The following SRGAP3 variants were observed in gnomAD, a reference collection of about 807,000 sequenced individuals.
SRGAP3 encodes SLIT-ROBO Rho GTPase activating protein 3.
In SRGAP3, 39 loss-of-function variants were observed where a neutral mutation model predicts 121.1. The observed-to-expected ratio is 0.32, with a 90% confidence interval of 0.25 to 0.42. The LOEUF is 0.42. Ranked by LOEUF, SRGAP3 falls within the 10% of genes least tolerant of loss-of-function variation. The pLI, the probability that SRGAP3 is intolerant of heterozygous loss-of-function variation, is 1.00. For missense variants in SRGAP3, 1,213 were observed against 1,470.6 expected, an observed-to-expected ratio of 0.82 and a Z score of 2.86; for synonymous variants, 601 against 570.0, an observed-to-expected ratio of 1.05 and a Z score of -0.77.
At chr3:9,015,129 C>T (rs934289788) in intron 15 of SRGAP3, among the ~76,000 whole-genome samples, 3 of 152,172 alleles carry the variant, frequency 2.0e-5, no homozygotes, top group African/African-American at 4.8e-5. Context: ...AGACCTTCCA[C>T]GTCTCCCCAT....
At chr3:9,138,834 C>T (rs1053302868) in intron 1 of SRGAP3, among the ~76,000 whole-genome samples, 4 of 152,136 alleles carry the variant, frequency 2.6e-5, no homozygotes, top group Non-Finnish European at 5.9e-5. Context: ...GACTTGGGCC[C>T]CATCTCCAAG....
At position 9,249,517 on chromosome 3, in the gene SRGAP3, G is replaced by T. The variant is rs778560483; in HGVS notation, c.-566C>A. The T allele has an allele frequency of 4.1e-6, 1 of 242,498 alleles. No homozygotes were observed. Among genetic ancestry groups the T allele is most frequent in the Non-Finnish European group, 8.1e-6 (1 of 122,988 alleles). 15.0% of individuals were successfully genotyped at this position (242,498 alleles called of 1,614,324 possible). ...AAGTCGATGGTCAGGTTGCCAAAGGGCCGGTCATCTCGCATCCTCCCTCCC... is the reference window on the plus strand; with the variant it reads ...AAGTCGATGGTCAGGTTGCCAAAGGTCCGGTCATCTCGCATCCTCCCTCCC... On this transcript the variant is annotated 5_prime_UTR_variant, in exon 1 of 22. Coordinates refer to ENST00000383836, the MANE Select transcript of SRGAP3 (RefSeq NM_014850.4).
rs371331073 is a variant in SRGAP3, at chr3:8,998,081, C to CTA, written c.2228-3560_2228-3559dup. 1.7e-3 allele frequency among the ~76,000 whole-genome samples: 261 copies of CTA among 152,210 alleles called. 1 individual carries two copies. The highest frequency in any genetic ancestry group is 6.1e-3 in the African/African-American group (252 of 41,538). Reference sequence around the variant, plus strand: ...AGTTTTTGTAGCAACGGGGGTCTCACTACAGCCTGGGGGACCAGGCTGGTC... The same window carrying CTA: ...AGTTTTTGTAGCAACGGGGGTCTCACTATACAGCCTGGGGGACCAGGCTGGTC... On this transcript the variant is annotated intron_variant, in intron 18 of 21. Coordinates refer to ENST00000383836, the MANE Select transcript of SRGAP3 (RefSeq NM_014850.4).
chr3:9,142,822 CA>C (rs1436006932), intron 1 of SRGAP3, among the ~76,000 whole-genome samples: 1 of 120,248 alleles, frequency 8.3e-6, no homozygotes, highest in Non-Finnish European at 1.7e-5. Context: ...AGTTGGTGGG[CA>C]ATTTCCTTTT....
At position 9,104,848 on chromosome 3, in the gene SRGAP3, G is replaced by A. The variant is rs777188998; in HGVS notation, c.261-6C>T. 1.9e-6 allele frequency: 3 copies of A among 1,614,182 alleles called. No individual in the cohort carries two copies. Among genetic ancestry groups the A allele is most frequent in the Non-Finnish European group, 2.5e-6 (3 of 1,180,022 alleles). Reference sequence around the variant, plus strand: ...AGAGGAGGTACTGGTCCTTCCTGTGGAAACCAAGAAAGCTCAGGTTGGCTA... The same window carrying A: ...AGAGGAGGTACTGGTCCTTCCTGTGAAAACCAAGAAAGCTCAGGTTGGCTA... On this transcript the variant is annotated splice_polypyrimidine_tract_variant and splice_region_variant and intron_variant, in intron 2 of 21. Coordinates refer to ENST00000383836, the MANE Select transcript of SRGAP3 (RefSeq NM_014850.4).
intron 1 of SRGAP3, among the ~76,000 whole-genome samples, chr3:9,155,824 T>G (rs1466800843): frequency 6.6e-6 from 1 of 152,238 alleles, no homozygotes; most frequent in Non-Finnish European, 1.5e-5. Context: ...GCTATTGCTT[T>G]CTTTTTCTTG....
intron 1 of SRGAP3, among the ~76,000 whole-genome samples, chr3:9,191,081 A>G (rs1951739109): frequency 6.6e-6 from 1 of 151,982 alleles, no homozygotes; most frequent in South Asian, 2.1e-4. Flanking sequence ...CCCCTCCTCC[A>G]CACTCTGTCC....
At chr3:9,006,417 A>G (rs557189776) in intron 18 of SRGAP3, among the ~76,000 whole-genome samples, 1 of 151,786 alleles carries the variant, frequency 6.6e-6, no homozygotes, top group South Asian at 2.1e-4. Context: ...AAAAAAAAGA[A>G]AAGAAAAGGA....
intron 1 of SRGAP3, chr3:9,193,960 C>T (rs979146394): frequency 1.3e-5 from 2 of 152,368 alleles, no homozygotes; most frequent in Non-Finnish European, 2.9e-5. Context: ...CCCGCCCCAT[C>T]CCACCTCTGT....
chr3:9,259,900 C>T (rs752519788), intron 3 of SRGAP3, among the ~76,000 whole-genome samples: 11 of 151,840 alleles, frequency 7.2e-5, no homozygotes, highest in Non-Finnish European at 1.6e-4. Flanking sequence ...TCTGCAGCTC[C>T]CAGCGAGACC....
intron 3 of SRGAP3, among the ~76,000 whole-genome samples, chr3:9,269,819 T>C (rs932794156): frequency 1.3e-5 from 2 of 151,996 alleles, no homozygotes; most frequent in African/African-American, 2.4e-5. Context: ...CATAGTAATG[T>C]TTCTAATAAG....
chr3:9,284,622 G>A (rs1954736026), intron 3 of SRGAP3, among the ~76,000 whole-genome samples: 1 of 152,092 alleles, frequency 6.6e-6, no homozygotes, highest in South Asian at 2.1e-4. Flanking sequence ...TTGAGCTCAG[G>A]AGTTTGAGAC....
intron 2 of SRGAP3, among the ~76,000 whole-genome samples, chr3:9,120,000 G>A (rs1282735552): frequency 6.6e-6 from 1 of 152,206 alleles, no homozygotes; most frequent in Non-Finnish European, 1.5e-5. Context: ...CTAACTTTGG[G>A]GGCATTGCAG....
At chr3:9,027,179 A>T (rs1211663036) in intron 12 of SRGAP3, among the ~76,000 whole-genome samples, 184 bp from the exon 13 acceptor site, 4 of 152,252 alleles carry the variant, frequency 2.6e-5, no homozygotes. Flanking sequence ...CTTCAACTGT[A>T]TGCACAAAAA....
At chr3:9,224,764 G>A (rs1205210191) in intron 1 of SRGAP3, among the ~76,000 whole-genome samples, 2 of 152,162 alleles carry the variant, frequency 1.3e-5, no homozygotes, top group African/African-American at 4.8e-5. Flanking sequence ...AAATAACTCA[G>A]AACAGCAGGG....
Position 9,329,789 on chromosome 3 carries a change from G to A in SRGAP3, n.283+739C>T, listed in dbSNP as rs78872768. Among the ~76,000 whole-genome samples, 271 of 152,062 alleles carry A rather than the reference G, an allele frequency of 1.8e-3. 8 individuals carry two copies. In the East Asian group the frequency reaches 0.05, roughly 28 times the overall value. ...AAGTTTCCCCTTTTTTGGGTGGGAG[G>A]AAAAAGCTCCCCATGTCCCACGATC... On this transcript the variant is annotated intron_variant and non_coding_transcript_variant, in intron 2 of 3. Coordinates refer to the SRGAP3 transcript ENST00000490889.
intron 3 of SRGAP3, among the ~76,000 whole-genome samples, chr3:9,084,216 T>G (rs1326258108): frequency 2.0e-5 from 3 of 152,132 alleles, no homozygotes; most frequent in Non-Finnish European, 4.4e-5. Context: ...TTCTTGCCCT[T>G]CCTATTTCCT....
intron 1 of SRGAP3, among the ~76,000 whole-genome samples, chr3:9,166,489 T>C (rs1950788910): frequency 6.6e-6 from 1 of 152,128 alleles, no homozygotes. Context: ...ACTAAGAGTT[T>C]TCCAGTGGAA....
At chr3:9,262,534 C>CAAAAAGAAAAAAAAAAA (rs1954274686) in intron 3 of SRGAP3, among the ~76,000 whole-genome samples, 1 of 25,582 alleles carries the variant, frequency 3.9e-5, no homozygotes, top group African/African-American at 1.3e-4. Context: ...AAATGGAAAG[C>CAAAAAGAAAAAAAAAAA]AAAAAAAAAA....
Sources: allele counts gnomAD v4.1 joint callset (sites outside exome capture counted in the v4.1 genomes callset), GRCh38; gene constraint gnomAD v4.1.1; transcripts MANE v1.5; gene names NCBI Gene and HGNC (gene_info 2026-07-23, HGNC 2026-07-21).